The following SLC2A2 variants were observed in gnomAD, a reference collection of about 807,000 sequenced individuals.
SLC2A2 encodes the protein solute carrier family 2, facilitated glucose transporter member 2.
In SLC2A2, 36 loss-of-function variants were observed where a neutral mutation model predicts 54.5. The ratio of observed to expected loss-of-function variants is 0.66; its 90% CI spans 0.51 to 0.87. SLC2A2 has a LOEUF of 0.87. SLC2A2 is among the 40% of genes least tolerant of loss of function. The pLI, the probability that SLC2A2 is intolerant of heterozygous loss-of-function variation, is 0.00. For synonymous variants in SLC2A2, 223 were observed against 219.1 expected (o/e 1.02, Z -0.16); for missense variants, 543 against 624.3 (o/e 0.87, Z 1.39).
chr3:171,023,717 T>C (rs1038473539), intron 1 of SLC2A2, among the ~76,000 whole-genome samples: 1 of 152,200 alleles, frequency 6.6e-6, no homozygotes, highest in Non-Finnish European at 1.5e-5. Context: ...GTAGGAATTA[T>C]TATTATCATT....
chr3:171,005,521 GA>G, intron 6 of SLC2A2, 49 bp from the exon 7 acceptor site: 1 of 1,458,864 alleles, frequency 6.9e-7, no homozygotes. Context: ...AAAACAAAAA[GA>G]AATTTATTTT....
chr3:171,015,679 G>T (rs1282579178), intron 2 of SLC2A2, among the ~76,000 whole-genome samples: 1 of 152,120 alleles, frequency 6.6e-6, no homozygotes, highest in Non-Finnish European at 1.5e-5. Context: ...TGTTGGAAGT[G>T]AGCTATAGAT....
At chr3:171,012,478 T>C (rs1715936319) in intron 3 of SLC2A2, among the ~76,000 whole-genome samples, 2 of 152,184 alleles carry the variant, frequency 1.3e-5, no homozygotes, top group Admixed American at 1.3e-4. Flanking sequence ...GACCATAGTC[T>C]TCTCTACCGT....
Position 170,997,838 on chromosome 3 carries a change from T to C in SLC2A2, c.*65A>G. The C allele has an allele frequency of 7.8e-7, 1 of 1,284,668 alleles. No individual in the cohort carries two copies. Among genetic ancestry groups the C allele is most frequent in the Non-Finnish European group, 1.1e-6 (1 of 890,502 alleles). 79.6% of individuals were successfully genotyped at this position (1,284,668 alleles called of 1,614,324 possible). A position where few individuals can be genotyped will look rare whatever the true frequency, so the allele number is the denominator to read the frequency against. On this transcript the variant is annotated 3_prime_UTR_variant, in exon 11 of 11. Transcript: ENST00000314251. ...ATGTGGATATAAAATGCTCAAGGAATCATCATTTAAAAACAGACGGTTCCC... is the reference window on the plus strand; with the variant it reads ...ATGTGGATATAAAATGCTCAAGGAACCATCATTTAAAAACAGACGGTTCCC...
intron 7 of SLC2A2, among the ~76,000 whole-genome samples, chr3:171,002,993 CTTAA>C (rs1213476663): frequency 2.6e-5 from 4 of 151,928 alleles, no homozygotes; most frequent in Non-Finnish European, 5.9e-5. Flanking sequence ...AAATATGCAG[CTTAA>C]TTAATTTTCA....
intron 9 of SLC2A2, among the ~76,000 whole-genome samples, chr3:170,998,719 A>G (rs1224816405): frequency 6.6e-6 from 1 of 152,152 alleles, no homozygotes; most frequent in Non-Finnish European, 1.5e-5. Flanking sequence ...TGACAATGCC[A>G]GGAGGGCAGA....
intron 4 of SLC2A2, 47 bp downstream of exon 4, chr3:171,009,910 TA>T (rs1436293403): frequency 6.6e-7 from 1 of 1,508,318 alleles, no homozygotes; most frequent in Non-Finnish European, 8.9e-7. Context: ...CAGACAAAGG[TA>T]GGTGTGTGTG....
At position 170,998,409 on chromosome 3, in the gene SLC2A2, A is replaced by C. The variant is rs1308601477; in HGVS notation, c.1171-13T>G. The C allele has an allele frequency of 6.2e-7, 1 of 1,610,792 alleles. No individual in the cohort carries two copies. The highest frequency in any genetic ancestry group is 2.2e-5 in the East Asian group (1 of 44,832). On this transcript the variant is annotated splice_polypyrimidine_tract_variant and intron_variant, in intron 9 of 10. Coordinates refer to ENST00000314251, the MANE Select transcript of SLC2A2 (RefSeq NM_000340.2). ...AAGAGAACTTATTCTGAGGAAAAAA[A>C]CAAAAACAATAGTGGGACTGAGATC...
Position 171,005,372 on chromosome 3 carries a change from A to G in SLC2A2, c.876T>C (p.Ile292=). The G allele has an allele frequency of 1.2e-6, 2 of 1,612,966 alleles. No homozygotes were observed. Among genetic ancestry groups the G allele is most frequent in the Non-Finnish European group, 1.7e-6 (2 of 1,179,280 alleles). The part of the protein sequence containing the change: ...EASSEQKVSI[I]QLFTNSSYRQ... ...GGTAGCTGGAATTGGTGAAGAGCTG[A>G]ATTATAGAGACTTTCTGCTCACTCG... Residue 292 remains isoleucine, a synonymous_variant, in exon 7 of 11, where the codon ATT becomes ATC. Transcript: ENST00000314251.
chr3:171,016,664 T>C (rs1290534938), intron 2 of SLC2A2, among the ~76,000 whole-genome samples: 4 of 151,732 alleles, frequency 2.6e-5, no homozygotes, highest in African/African-American at 9.7e-5. Context: ...TAAAAAATCA[T>C]TCTTATGTAA....
Position 171,017,491 on chromosome 3 carries a change from C to T in SLC2A2, c.108+1040G>A, listed in dbSNP as rs115180467. 9.7e-3 allele frequency among the ~76,000 whole-genome samples: 1,477 copies of T among 152,270 alleles called. 32 individuals carry two copies. Among genetic ancestry groups the T allele is most frequent in the African/African-American group, 0.033 (1,371 of 41,548 alleles). On this transcript the variant is annotated intron_variant, in intron 2 of 10. Coordinates refer to ENST00000314251, the MANE Select transcript of SLC2A2 (RefSeq NM_000340.2). ...ACACCCTGCAGTATCTTTCATTTTC[C>T]TTGGGGCTCAATGTTCTAAAAGAAG...
chr3:171,003,883 A>G (rs981492011), intron 7 of SLC2A2, among the ~76,000 whole-genome samples: 1 of 152,092 alleles, frequency 6.6e-6, no homozygotes, highest in Admixed American at 6.6e-5. Flanking sequence ...TCTCACCAGC[A>G]TGTATAAGAG....
In SLC2A2 at chr3:171,014,570, A is replaced by G; in HGVS notation, c.270T>C (p.Ala90=). The G allele has an allele frequency of 6.2e-7, 1 of 1,614,134 alleles. No individual in the cohort carries two copies. Among genetic ancestry groups the G allele is most frequent in the Non-Finnish European group, 8.5e-7 (1 of 1,180,018 alleles). The stretch of plus-strand genomic sequence containing the variant: ...GGGACCAGAGCATGGTGATTAGTTG[A>G]GCAGCTGCCACAGTCTCTTCCTCAG... ...PWAEEETVAA[A]QLITMLWSLS... The change falls in exon 3 of 11, where the codon GCT becomes GCC. Residue 90 remains alanine (A), a synonymous_variant. Coordinates refer to ENST00000314251, the MANE Select transcript of SLC2A2 (RefSeq NM_000340.2).
intron 8 of SLC2A2, among the ~76,000 whole-genome samples, chr3:171,000,254 A>T: frequency 6.6e-6 from 1 of 152,114 alleles, no homozygotes; most frequent in Non-Finnish European, 1.5e-5. Context: ...AGGAAGTTGG[A>T]AAAAACAGAC....
At chr3:171,016,460 C>T (rs936281840) in intron 2 of SLC2A2, among the ~76,000 whole-genome samples, 5 of 151,924 alleles carry the variant, frequency 3.3e-5, no homozygotes, top group Non-Finnish European at 7.4e-5. Flanking sequence ...TAGAAGGCTG[C>T]CTTATATGAA....
At chr3:171,016,649 A>G (rs73169730) in intron 2 of SLC2A2, among the ~76,000 whole-genome samples, 56,373 of 151,762 alleles carry the variant, frequency 0.37, 12,121 homozygotes, top group African/African-American at 0.61. Context: ...GATTAAAAAA[A>G]GGCTTAAAAA....
At chr3:171,009,551 G>A (rs1287502737) in intron 4 of SLC2A2, among the ~76,000 whole-genome samples, 2 of 152,050 alleles carry the variant, frequency 1.3e-5, no homozygotes, top group Non-Finnish European at 2.9e-5. Flanking sequence ...TACCACAGCA[G>A]TAATAACAAC....
chr3:171,015,275 G>T (rs1303210564), intron 2 of SLC2A2, among the ~76,000 whole-genome samples: 1 of 152,018 alleles, frequency 6.6e-6, no homozygotes, highest in Non-Finnish European at 1.5e-5. Context: ...TTGAGACTAG[G>T]CTGGGCAACA....
At chr3:171,008,112 A>C (rs1715695900) in intron 4 of SLC2A2, among the ~76,000 whole-genome samples, 1 of 152,124 alleles carries the variant, frequency 6.6e-6, no homozygotes, top group African/African-American at 2.4e-5. Flanking sequence ...GCATTTTCTT[A>C]ACTATTTAAA....
Sources: allele counts gnomAD v4.1 joint callset (sites outside exome capture counted in the v4.1 genomes callset), GRCh38; gene constraint gnomAD v4.1.1; transcripts MANE v1.5; gene names NCBI Gene and HGNC (gene_info 2026-07-23, HGNC 2026-07-21).